Variants in BICC1 observed in about 807,000 individuals in gnomAD.
BICC1 encodes the protein protein bicaudal C homolog 1.
Under a neutral mutation model 111.0 loss-of-function variants are expected in BICC1, and 43 were observed. The ratio of observed to expected loss-of-function variants is 0.39; its 90% CI spans 0.30 to 0.50. The LOEUF is 0.50. Among genes scored for constraint, BICC1 ranks in the 20% least tolerant of loss-of-function variants. BICC1 has a pLI of 0.88. For missense variants in BICC1, 1,091 were observed against 1,203.2 expected, an observed-to-expected ratio of 0.91 and a Z score of 1.38; for synonymous variants, 467 against 434.4, an observed-to-expected ratio of 1.07 and a Z score of -0.93.
chr10:58,823,050 C>G (rs2132981794), intron 20 of BICC1, among the ~76,000 whole-genome samples: 1 of 149,792 alleles, frequency 6.7e-6, no homozygotes, highest in Middle Eastern at 3.5e-3. Flanking sequence ...TAAATTTGAT[C>G]TCTTTTTCCC....
intron 15 of BICC1, among the ~76,000 whole-genome samples, chr10:58,804,530 TAAATA>T (rs1843652692): frequency 6.6e-6 from 1 of 152,092 alleles, no homozygotes; most frequent in Admixed American, 6.6e-5. Flanking sequence ...AAATTAAAAA[TAAATA>T]AAATAAAAAA....
At chr10:58,824,323 A>G (rs1295170477) in intron 20 of BICC1, among the ~76,000 whole-genome samples, 3 of 152,222 alleles carry the variant, frequency 2.0e-5, no homozygotes, top group Non-Finnish European at 4.4e-5. Flanking sequence ...TATCCCTTAA[A>G]GAAGACTTGA....
At chr10:58,801,423 T>G (rs1300559100) in intron 14 of BICC1, among the ~76,000 whole-genome samples, 2 of 152,220 alleles carry the variant, frequency 1.3e-5, no homozygotes, top group Non-Finnish European at 2.9e-5. Context: ...TCTTTCTTAC[T>G]GTGGCTCTCT....
chr10:58,763,910 A>C (rs1254864865), intron 3 of BICC1, among the ~76,000 whole-genome samples: 2 of 152,014 alleles, frequency 1.3e-5, no homozygotes, highest in Non-Finnish European at 2.9e-5. Flanking sequence ...CCTGGAAGAG[A>C]ATAAAGCCAA....
At chr10:58,545,824 C>T (rs1043875527) in intron 1 of BICC1, among the ~76,000 whole-genome samples, 3 of 152,096 alleles carry the variant, frequency 2.0e-5, no homozygotes, top group Non-Finnish European at 2.9e-5. Flanking sequence ...CCAACCAATG[C>T]AAGAACATAC....
chr10:58,792,808 T>C (rs1843223857), intron 8 of BICC1, among the ~76,000 whole-genome samples: 1 of 152,164 alleles, frequency 6.6e-6, no homozygotes, highest in South Asian at 2.1e-4. Context: ...AAGTGCCGAA[T>C]AAATGTAATG....
intron 1 of BICC1, among the ~76,000 whole-genome samples, chr10:58,569,726 C>T (rs1243860188): frequency 6.6e-6 from 1 of 152,126 alleles, no homozygotes; most frequent in Non-Finnish European, 1.5e-5. Flanking sequence ...TGAACTTATC[C>T]TTTTATATGG....
Position 58,817,592 on chromosome 10 carries a change from T to C in BICC1, c.2564T>C (p.Met855Thr), listed in dbSNP as rs1424850283. The C allele has an allele frequency of 1.2e-6, 2 of 1,613,586 alleles. No individual in the cohort carries two copies. The highest frequency in any genetic ancestry group is 1.7e-5 in the Admixed American group (1 of 59,978). Residue 855 changes from methionine to threonine, a missense_variant, in exon 19 of 21, where the codon ATG becomes ACG. Physicochemically the swap from Met to Thr is moderately conservative, Grantham distance 81. Coordinates refer to ENST00000373886, the MANE Select transcript of BICC1 (RefSeq NM_001080512.3). The part of the protein sequence containing the change: ...TEHYLSSSNY[M>T]DCISSLTGSN... Reference sequence around the variant, plus strand: ...CACTATCTCAGCAGTAGCAATTACATGGACTGCATTTCCTCGCTGACAGGA... The same window carrying C: ...CACTATCTCAGCAGTAGCAATTACACGGACTGCATTTCCTCGCTGACAGGA...
intron 17 of BICC1, among the ~76,000 whole-genome samples, chr10:58,809,087 A>T (rs1589160889): frequency 6.6e-6 from 1 of 152,040 alleles, no homozygotes; most frequent in South Asian, 2.1e-4. Context: ...CAATGGCAGG[A>T]TCTCGCCTCA....
At chr10:58,759,486 A>G (rs1453428455) in intron 3 of BICC1, among the ~76,000 whole-genome samples, 1 of 152,134 alleles carries the variant, frequency 6.6e-6, no homozygotes, top group Admixed American at 6.5e-5. Context: ...TATTTATTGT[A>G]TGTATTTGTA....
intron 1 of BICC1, among the ~76,000 whole-genome samples, chr10:58,550,475 GT>G (rs1003142212): frequency 2.6e-5 from 4 of 152,048 alleles, no homozygotes; most frequent in African/African-American, 9.7e-5. Flanking sequence ...CATAAATAAT[GT>G]TTTTTTGTAT....
chr10:58,788,258 C>A (rs566408991), intron 5 of BICC1, 112 bp from the exon 6 acceptor site: 16 of 730,600 alleles, frequency 2.2e-5, no homozygotes, highest in Non-Finnish European at 3.5e-5. Context: ...TGGATAATAC[C>A]TCTGTATTTG....
intron 2 of BICC1, among the ~76,000 whole-genome samples, chr10:58,690,434 C>T (rs555440195): frequency 6.6e-6 from 1 of 152,312 alleles, no homozygotes; most frequent in African/African-American, 2.4e-5. Flanking sequence ...TAGTTTGAGT[C>T]GCTGAGTGAC....
chr10:58,738,002 G>A (rs1224392728), intron 3 of BICC1, among the ~76,000 whole-genome samples: 1 of 152,164 alleles, frequency 6.6e-6, no homozygotes, highest in African/African-American at 2.4e-5. Context: ...TTTGTCAGAT[G>A]AGTAGATTGC....
chr10:58,521,033 G>A lies in BICC1; in HGVS notation c.190+7700G>A, dbSNP rs190743117. 8.7e-4 allele frequency among the ~76,000 whole-genome samples: 132 copies of A among 152,144 alleles called. 2 individuals are homozygous for A. Among genetic ancestry groups the A allele is most frequent in the Non-Finnish European group, 2.9e-4 (20 of 67,992 alleles). ...ATACCTCCTATCTTTTTCACTTAGC[G>A]TTGAATCATAAGTATTTTCTGTTTC... is the stretch of plus-strand genomic sequence containing the variant. On this transcript the variant is annotated intron_variant, in intron 1 of 20. Transcript: ENST00000373886.
At chr10:58,584,512 A>G (rs966843701) in intron 1 of BICC1, among the ~76,000 whole-genome samples, 10 of 152,322 alleles carry the variant, frequency 6.6e-5, no homozygotes, top group Admixed American at 2.6e-4. Context: ...GGCCTTTGCT[A>G]TAATTTCAGG....
intron 2 of BICC1, among the ~76,000 whole-genome samples, chr10:58,646,462 T>G (rs1166198600): frequency 6.6e-6 from 1 of 152,216 alleles, no homozygotes; most frequent in African/African-American, 2.4e-5. Context: ...CTATCATATA[T>G]TCTTTAAAAA....
intron 3 of BICC1, among the ~76,000 whole-genome samples, chr10:58,714,421 G>T (rs543497769): frequency 5.9e-5 from 9 of 152,320 alleles, no homozygotes; most frequent in African/African-American, 1.7e-4. Flanking sequence ...AAGCCAGTTT[G>T]CAGTCAGTGT....
intron 2 of BICC1, among the ~76,000 whole-genome samples, chr10:58,675,002 G>A (rs1407398390): frequency 6.6e-6 from 1 of 152,212 alleles, no homozygotes; most frequent in East Asian, 1.9e-4. Flanking sequence ...AAGGCTGGAT[G>A]TGCCACCATC....
Sources: allele counts gnomAD v4.1 joint callset (sites outside exome capture counted in the v4.1 genomes callset), GRCh38; gene constraint gnomAD v4.1.1; transcripts MANE v1.5; gene names NCBI Gene and HGNC (gene_info 2026-07-23, HGNC 2026-07-21).